GALNT17: variants seen among roughly 807,000 people sequenced by gnomAD.
GALNT17 encodes the protein UDP-GalNAc:polypeptide N-acetylgalactosaminyltransferase-like 3.
A neutral mutation model predicts 63.7 loss-of-function variants in GALNT17; 29 were observed. That is an observed-to-expected ratio of 0.46 (90% confidence interval 0.34 to 0.62). The LOEUF (loss-of-function observed/expected upper bound fraction) is 0.62. GALNT17 is among the 20% of genes least tolerant of loss of function. The pLI, the probability that GALNT17 is intolerant of heterozygous loss-of-function variation, is 0.01. For missense variants in GALNT17, 603 were observed against 799.6 expected, an observed-to-expected ratio of 0.75 and a Z score of 2.97; for synonymous variants, 305 against 318.3, an observed-to-expected ratio of 0.96 and a Z score of 0.45.
At chr7:71,299,213 G>A (rs898400181) in intron 1 of GALNT17, among the ~76,000 whole-genome samples, 5 of 152,092 alleles carry the variant, frequency 3.3e-5, no homozygotes, top group East Asian at 1.9e-4. Context: ...CTTGACCCCC[G>A]GTGCAATCAG....
chr7:71,173,522 C>T (rs1322305831), intron 1 of GALNT17, among the ~76,000 whole-genome samples: 1 of 152,140 alleles, frequency 6.6e-6, no homozygotes, highest in African/African-American at 2.4e-5. Flanking sequence ...TCTGTATTCC[C>T]AGCACTTTGG....
intron 1 of GALNT17, among the ~76,000 whole-genome samples, chr7:71,264,654 G>C (rs1449669678): frequency 6.6e-6 from 1 of 152,112 alleles, no homozygotes; most frequent in African/African-American, 2.4e-5. Flanking sequence ...CCCTAAAAAA[G>C]AATGAAATCG....
At chr7:71,219,493 C>T (rs1306688638) in intron 1 of GALNT17, among the ~76,000 whole-genome samples, 3 of 152,096 alleles carry the variant, frequency 2.0e-5, no homozygotes, top group Non-Finnish European at 2.9e-5. Context: ...TATTCTCTCA[C>T]TTTTTTTGGT....
At chr7:71,304,560 A>G (rs778166912) in intron 1 of GALNT17, among the ~76,000 whole-genome samples, 5 of 152,176 alleles carry the variant, frequency 3.3e-5, no homozygotes, top group East Asian at 1.9e-4. Context: ...GTCAAGGTCT[A>G]TCAACTGGGA....
At chr7:71,199,244 T>A (rs577381169) in intron 1 of GALNT17, among the ~76,000 whole-genome samples, 1 of 152,148 alleles carries the variant, frequency 6.6e-6, no homozygotes, top group South Asian at 2.1e-4. Flanking sequence ...TCGCAAATGA[T>A]CTATTTATTT....
At chr7:71,326,136 C>A (rs1018600046) in intron 1 of GALNT17, among the ~76,000 whole-genome samples, 6 of 151,998 alleles carry the variant, frequency 3.9e-5, no homozygotes, top group African/African-American at 1.5e-4. Context: ...AAAAAAATCC[C>A]CTTTGAAATT....
intron 1 of GALNT17, among the ~76,000 whole-genome samples, chr7:71,161,172 A>G (rs1454713434): frequency 1.3e-5 from 2 of 152,186 alleles, no homozygotes; most frequent in East Asian, 1.9e-4. Flanking sequence ...CATTAAGTTT[A>G]TACTTTCACC....
At chr7:71,601,143 A>G (rs752318123) in intron 6 of GALNT17, among the ~76,000 whole-genome samples, 1 of 151,958 alleles carries the variant, frequency 6.6e-6, no homozygotes. Flanking sequence ...TCATATATAT[A>G]TGATATATAT....
chr7:71,626,360 A>T (rs978828666), intron 6 of GALNT17, among the ~76,000 whole-genome samples: 2 of 152,136 alleles, frequency 1.3e-5, no homozygotes, highest in African/African-American at 4.8e-5. Context: ...ACCCCTGTGG[A>T]TACCTTGATC....
intron 1 of GALNT17, among the ~76,000 whole-genome samples, chr7:71,319,781 G>A (rs1486500699): frequency 1.3e-5 from 2 of 152,168 alleles, no homozygotes; most frequent in East Asian, 3.8e-4. Context: ...AGTTGTTCTT[G>A]AATCATTTCT....
At chr7:71,641,107 G>C (rs1790596925) in intron 6 of GALNT17, among the ~76,000 whole-genome samples, 1 of 152,170 alleles carries the variant, frequency 6.6e-6, no homozygotes, top group South Asian at 2.1e-4. Context: ...CAGACCAGAG[G>C]TCTGTCATTG....
chr7:71,598,959 G>C (rs1180834873), intron 6 of GALNT17, among the ~76,000 whole-genome samples: 1 of 152,134 alleles, frequency 6.6e-6, no homozygotes, highest in Non-Finnish European at 1.5e-5. Context: ...AGTGGAAGAA[G>C]ATAGCCAGGC....
At chr7:71,273,432 A>AT (rs952710514) in intron 1 of GALNT17, among the ~76,000 whole-genome samples, 1 of 152,192 alleles carries the variant, frequency 6.6e-6, no homozygotes, top group African/African-American at 2.4e-5. Flanking sequence ...TATCGGCTAG[A>AT]TTATTTTCTC....
intron 9 of GALNT17, among the ~76,000 whole-genome samples, chr7:71,684,060 TA>T (rs1309757932): frequency 2.0e-5 from 3 of 151,518 alleles, no homozygotes; most frequent in Admixed American, 6.6e-5. Context: ...GTAGCAGCCT[TA>T]GTGTTGGCTT....
At chr7:71,263,134 C>T (rs1319359432) in intron 1 of GALNT17, among the ~76,000 whole-genome samples, 3 of 151,908 alleles carry the variant, frequency 2.0e-5, no homozygotes, top group Admixed American at 6.6e-5. Flanking sequence ...CTGAGGCAGG[C>T]GGATCTTGAG....
In GALNT17 at chr7:71,143,276, G is replaced by T. The variant is rs188721425; in HGVS notation, c.238+10236G>T. 3.3e-5 allele frequency among the ~76,000 whole-genome samples: 5 copies of T among 151,926 alleles called. No individual in the cohort carries two copies. The East Asian group carries it at 9.7e-4, about 30-fold the overall frequency. ...GTCTCTACTAAAAGTACAAAAATTAGCCGGGTGTGGTGGCGGGCACCCGTC... is the reference window on the plus strand; with the variant it reads ...GTCTCTACTAAAAGTACAAAAATTATCCGGGTGTGGTGGCGGGCACCCGTC... On this transcript the variant is annotated intron_variant, in intron 1 of 10. Transcript: ENST00000333538.
chr7:71,402,824 A>C (rs1793262982), intron 3 of GALNT17, among the ~76,000 whole-genome samples: 1 of 152,144 alleles, frequency 6.6e-6, no homozygotes, highest in Non-Finnish European at 1.5e-5. Context: ...TCCAAGAGAT[A>C]ACATTCTTCC....
At chr7:71,152,441 T>G (rs1788152627) in intron 1 of GALNT17, among the ~76,000 whole-genome samples, 1 of 152,166 alleles carries the variant, frequency 6.6e-6, no homozygotes, top group African/African-American at 2.4e-5. Context: ...ATCCTCATCC[T>G]CTTTACAAGA....
intron 1 of GALNT17, among the ~76,000 whole-genome samples, chr7:71,248,502 C>T (rs753968370): frequency 6.6e-6 from 1 of 152,140 alleles, no homozygotes. Flanking sequence ...AAGACAGAAA[C>T]ATACAGATAG....
Sources: gnomAD v4.1 joint callset for allele counts (sites outside exome capture counted in the v4.1 genomes callset) on GRCh38, gnomAD v4.1.1 for gene constraint, MANE v1.5 for transcripts, NCBI Gene and HGNC (gene_info 2026-07-23, HGNC 2026-07-21) for gene names.